The following MAGEE1 variants were observed in gnomAD, a reference collection of about 807,000 sequenced individuals.
MAGEE1 encodes the protein melanoma-associated antigen E1.
MAGEE1 carries 3 observed loss-of-function variants against 12.0 expected under a neutral mutation model. The observed-to-expected ratio is 0.25, with a 90% CI of 0.11 to 0.65. MAGEE1 has a LOEUF of 0.65. Ranked by LOEUF, MAGEE1 falls within the 30% of genes least tolerant of loss-of-function variation. MAGEE1 has a pLI of 0.84. For synonymous variants in MAGEE1, 414 were observed against 326.1 expected (o/e 1.27, Z -2.91); for missense variants, 729 against 772.2 (o/e 0.94, Z 0.66).
rs1049666703 is a variant in MAGEE1 at position 76,430,951 on chromosome X, G to T, written c.*147G>T. On this transcript the variant is annotated 3_prime_UTR_variant, in exon 1 of 1. Coordinates refer to ENST00000361470, the MANE Select transcript of MAGEE1 (RefSeq NM_020932.3). Reference sequence around the variant, plus strand: ...GTCTTTTCATATTTAGTTCTGGTGTGGTGTCTGGAAATGTTTCAACTGTTT... The same window carrying T: ...GTCTTTTCATATTTAGTTCTGGTGTTGTGTCTGGAAATGTTTCAACTGTTT... 3 of 452,654 alleles carry T rather than the reference G, an allele frequency of 6.6e-6. No homozygotes were observed. In the African/African-American group the frequency reaches 7.4e-5, roughly 11 times the overall value. 37.3% of individuals were successfully genotyped at this position (452,654 alleles called of 1,213,427 possible). A position where few individuals can be genotyped will look rare whatever the true frequency, so the allele number is the denominator to read the frequency against.
chrX:76,428,758 C>T lies in MAGEE1; in HGVS notation c.828C>T (p.Ala276=). The T allele has an allele frequency of 8.3e-7, 1 of 1,210,018 alleles. No individual in the cohort carries two copies. Among genetic ancestry groups the T allele is most frequent in the Non-Finnish European group, 1.1e-6 (1 of 895,081 alleles). The change falls in exon 1 of 1, where the codon GCC becomes GCT. Residue 276 remains alanine (A), a synonymous_variant. Coordinates refer to ENST00000361470, the MANE Select transcript of MAGEE1 (RefSeq NM_020932.3). The part of the protein sequence containing the change: ...EGPSTSVLPA[A]SDGQSISLVP... Reference sequence around the variant, plus strand: ...CGAGCACCTCCGTGCTGCCCGCCGCCTCTGACGGACAAAGCATCTCCTTGG... The same window carrying T: ...CGAGCACCTCCGTGCTGCCCGCCGCTTCTGACGGACAAAGCATCTCCTTGG...
At position 76,430,627 on chromosome X, in the gene MAGEE1, T is replaced by A. The variant is rs782048794; in HGVS notation, c.2697T>A (p.Phe899Leu). 8.3e-7 allele frequency: 1 copy of A among 1,211,346 alleles called. No homozygotes were observed. The change falls in exon 1 of 1, where the codon TTT becomes TTA. Residue 899 changes from phenylalanine to leucine, a missense_variant. By Grantham distance (22) the Phe-to-Leu change is conservative. Around this residue, in one of 4 missense-constraint regions of MAGEE1, gnomAD observed 101 missense variants for 161.3 expected, o/e 0.63. Coordinates refer to ENST00000361470, the MANE Select transcript of MAGEE1 (RefSeq NM_020932.3). Reference protein sequence around the residue: ...VPDSDPVQYEFVWGPRARLET... With the variant: ...VPDSDPVQYELVWGPRARLET... ...ACAGTGATCCAGTGCAATATGAGTTTGTATGGGGTCCTAGAGCCCGTTTGG... is the reference window on the plus strand; with the variant it reads ...ACAGTGATCCAGTGCAATATGAGTTAGTATGGGGTCCTAGAGCCCGTTTGG...
Position 76,428,845 on chromosome X carries a change from C to T in MAGEE1, c.915C>T (p.Ser305=), listed in dbSNP as rs200272695. 205 of 1,209,327 alleles carry T rather than the reference C, an allele frequency of 1.7e-4. 2 individuals are homozygous for T. The East Asian group carries it at 4.6e-3, about 27-fold the overall frequency. The part of the protein sequence containing the change: ...SVPPTATEGL[S]TSVQPTAGEG... ...CCCCCACCGCCACCGAGGGCCTGAG[C>T]ACCTCCGTGCAGCCCACTGCTGGTG... Residue 305 remains serine, a synonymous_variant, in exon 1 of 1, where the codon AGC becomes AGT. Transcript: ENST00000361470.
Position 76,427,805 on chromosome X carries a change from C to T in MAGEE1, c.-126C>T. On this transcript the variant is annotated 5_prime_UTR_variant, in exon 1 of 1. Transcript: ENST00000361470. ...TTGCTTGGAACTTTGGTTCTGGCAG[C>T]AGCAGCAACATCATTACCGCTAGCG... 1.3e-6 allele frequency: 1 copy of T among 787,279 alleles called. No individual in the cohort carries two copies. The highest frequency in any genetic ancestry group is 2.1e-5 in the African/African-American group (1 of 48,455). 64.9% of individuals were successfully genotyped at this position (787,279 alleles called of 1,213,427 possible).
chrX:76,427,863 C>A lies in MAGEE1; in HGVS notation c.-68C>A. The A allele has an allele frequency of 2.7e-6, 3 of 1,108,236 alleles. No individual in the cohort carries two copies. The East Asian group carries it at 9.0e-5, about 33-fold the overall frequency. The allele number at this position is 1,108,236 out of a possible 1,213,427, so 91.3% of individuals were successfully genotyped here. On this transcript the variant is annotated 5_prime_UTR_variant, in exon 1 of 1. Coordinates refer to ENST00000361470, the MANE Select transcript of MAGEE1 (RefSeq NM_020932.3). ...TGTGCCGAGGCACCTACACACCTCC[C>A]GTCCTCTCTGCCAGATCGCGGGCCT...
In MAGEE1 at chrX:76,430,367, A is replaced by T; in HGVS notation, c.2437A>T (p.Thr813Ser). 8.3e-7 allele frequency: 1 copy of T among 1,211,286 alleles called. No individual in the cohort carries two copies. The highest frequency in any genetic ancestry group is 1.1e-6 in the Non-Finnish European group (1 of 895,418). ...ACTTGATCCCAGGAATCACTCCTAT[A>T]CTCTGTACAACCGAAGGGAGATGGA... ...VVLDPRNHSY[T>S]LYNRREMEET... The change falls in exon 1 of 1, where the codon ACT becomes TCT. Residue 813 changes from threonine to serine, a missense_variant. Around this residue, in one of 4 missense-constraint regions of MAGEE1, gnomAD observed 101 missense variants for 161.3 expected, o/e 0.63. Transcript: ENST00000361470.
Position 76,429,642 on chromosome X carries a change from G to T in MAGEE1, c.1712G>T (p.Gly571Val). 8.3e-7 allele frequency: 1 copy of T among 1,210,287 alleles called. No homozygotes were observed. The highest frequency in any genetic ancestry group is 1.8e-5 in the South Asian group (1 of 56,655). Residue 571 changes from glycine to valine, a missense_variant, in exon 1 of 1, where the codon GGG becomes GTG. This residue lies in a region of MAGEE1 where 91 missense variants were observed against 133.8 expected (regional missense o/e 0.68). Transcript: ENST00000361470. ...AAACTGGGACCTGTGCCCTTTGAAG[G>T]GTTAGAAGAGAGCCCAAATGGGCCA... ...LNKLGPVPFE[G>V]LEESPNGPKM... is the part of the protein sequence containing the mutation.
chrX:76,428,683 C>A lies in MAGEE1; in HGVS notation c.753C>A (p.Thr251=). The A allele has an allele frequency of 7.5e-6, 9 of 1,206,618 alleles. No homozygotes were observed. The highest frequency in any genetic ancestry group is 1.0e-5 in the Non-Finnish European group (9 of 893,361). ...TEGLSTPVPP[T]RDEGPSTSVP... ...GCCTAAGCACCCCCGTGCCACCCAC[C>A]CGTGATGAGGGACCGAGCACCTCCG... The change falls in exon 1 of 1, where the codon ACC becomes ACA. Residue 251 remains threonine, a synonymous_variant. Transcript: ENST00000361470.
chrX:76,430,759 A>T lies in MAGEE1; in HGVS notation c.2829A>T (p.Arg943Ser), dbSNP rs1556839988. Reference protein sequence around the residue: ...YREAMEDEANRADVGHRQIFV... With the variant: ...YREAMEDEANSADVGHRQIFV... ...AGGCAATGGAAGATGAGGCCAATAG[A>T]GCTGATGTTGGGCACAGGCAAATCT... is the stretch of plus-strand genomic sequence containing the variant. Residue 943 changes from arginine to serine, a missense_variant, in exon 1 of 1, where the codon AGA becomes AGT. Coordinates refer to ENST00000361470, the MANE Select transcript of MAGEE1 (RefSeq NM_020932.3). 2.5e-6 allele frequency: 3 copies of T among 1,193,227 alleles called. No homozygotes were observed. The highest frequency in any genetic ancestry group is 2.3e-6 in the Non-Finnish European group (2 of 884,639).
In MAGEE1 at chrX:76,430,216, T is replaced by A; in HGVS notation, c.2286T>A (p.Thr762=). The change falls in exon 1 of 1, where the codon ACT becomes ACA. Residue 762 remains threonine (T), a synonymous_variant. Coordinates refer to ENST00000361470, the MANE Select transcript of MAGEE1 (RefSeq NM_020932.3). Reference sequence around the variant, plus strand: ...AGTTATTTCTGCTTATGGATTCAACTAAGCTGCCTATACCAAAGAAAGGAA... The same window carrying A: ...AGTTATTTCTGCTTATGGATTCAACAAAGCTGCCTATACCAAAGAAAGGAA... ...LVQLFLLMDS[T]KLPIPKKGIL... is the part of the protein sequence containing the mutation. The A allele has an allele frequency of 2.5e-6, 3 of 1,211,886 alleles. No individual in the cohort carries two copies. The highest frequency in any genetic ancestry group is 3.3e-6 in the Non-Finnish European group (3 of 895,557).
Position 76,428,628 on chromosome X carries a change from G to T in MAGEE1, c.698G>T (p.Ser233Ile), listed in dbSNP as rs1556839389. 1 of 1,208,973 alleles carries T rather than the reference G, an allele frequency of 8.3e-7. No homozygotes were observed. Among genetic ancestry groups the T allele is most frequent in the Admixed American group, 2.2e-5 (1 of 45,915 alleles). Residue 233 changes from serine (S) to isoleucine (I), a missense_variant, in exon 1 of 1, where the codon AGC becomes ATC. Around this residue, in one of 4 missense-constraint regions of MAGEE1, gnomAD observed 473 missense variants for 423.7 expected, o/e 1.12. Transcript: ENST00000361470. ...CAGGCCACTCCTGATGAGGGACCGA[G>T]CACCTCCGTGCCGCCCACCGCCACT... is the stretch of plus-strand genomic sequence containing the variant. ...SVQATPDEGP[S>I]TSVPPTATEG...
chrX:76,430,830 C>A lies in MAGEE1; in HGVS notation c.*26C>A, dbSNP rs782511635. 48 of 757,854 alleles carry A rather than the reference C, an allele frequency of 6.3e-5. No individual in the cohort carries two copies. In the South Asian group the frequency reaches 1.5e-3, roughly 23 times the overall value. 62.5% of individuals were successfully genotyped at this position (757,854 alleles called of 1,213,427 possible). ...AGGAATGCATGGCAGTCAGAGGGGC[C>A]TTGCAAGGAGGGGCCTTTGAGCCTC... On this transcript the variant is annotated 3_prime_UTR_variant, in exon 1 of 1. Transcript: ENST00000361470.
In MAGEE1 at chrX:76,429,398, C is replaced by G; in HGVS notation, c.1468C>G (p.Pro490Ala). The change falls in exon 1 of 1, where the codon CCT (proline) becomes GCT (alanine). Residue 490 changes from proline (P) to alanine (A), a missense_variant. This residue lies in a region of MAGEE1 where 473 missense variants were observed against 423.7 expected (regional missense o/e 1.12). Transcript: ENST00000361470. ...RVAITLKPQD[P>A]MEQNVAELLQ... ...TGCAATTACCCTGAAGCCCCAAGAC[C>G]CTATGGAACAGAACGTAGCTGAGCT... is the stretch of plus-strand genomic sequence containing the variant. 1 of 1,211,792 alleles carries G rather than the reference C, an allele frequency of 8.3e-7. No homozygotes were observed. Among genetic ancestry groups the G allele is most frequent in the East Asian group, 3.0e-5 (1 of 33,821 alleles).
Position 76,428,805 on chromosome X carries a change from C to T in MAGEE1, c.875C>T (p.Ser292Leu). ...TTGGTGCCCACCCGCGGTAAGGGAT[C>T]AAGCACCTCCGTGCCCCCCACCGCC... ...ISLVPTRGKG[S>L]STSVPPTATE... Residue 292 changes from serine to leucine, a missense_variant, in exon 1 of 1, where the codon TCA (serine) becomes TTA (leucine). Ser to Leu is a moderately radical substitution (Grantham distance 145). Coordinates refer to ENST00000361470, the MANE Select transcript of MAGEE1 (RefSeq NM_020932.3). 8.3e-7 allele frequency: 1 copy of T among 1,209,040 alleles called. No individual in the cohort carries two copies. Among genetic ancestry groups the T allele is most frequent in the Middle Eastern group, 2.3e-4 (1 of 4,345 alleles).
chrX:76,428,965 G>T lies in MAGEE1; in HGVS notation c.1035G>T (p.Pro345=), dbSNP rs782350808. The T allele has an allele frequency of 6.6e-6, 8 of 1,209,425 alleles. No homozygotes were observed. The Admixed American group carries it at 1.1e-4, about 16-fold the overall frequency. ...CTGAGGAGTTGAGCACCTCCGTGCC[G>T]CCCACTCCCGGTGAGGGACCAAGCA... ...TATEELSTSV[P]PTPGEGPSTS... The change falls in exon 1 of 1, where the codon CCG becomes CCT. Residue 345 remains proline, a synonymous_variant. Coordinates refer to ENST00000361470, the MANE Select transcript of MAGEE1 (RefSeq NM_020932.3).
rs1556839051 is a variant in MAGEE1, at chrX:76,427,898, T to G, written c.-33T>G. On this transcript the variant is annotated 5_prime_UTR_variant, in exon 1 of 1. Transcript: ENST00000361470. ...GCCAGATCGCGGGCCTGTCGGTGTC[T>G]GCTCCTACACGCCAACGCCGGTGGG... 3.4e-6 allele frequency: 4 copies of G among 1,165,566 alleles called. No homozygotes were observed. Among genetic ancestry groups the G allele is most frequent in the East Asian group, 6.0e-5 (2 of 33,483 alleles).
Position 76,427,886 on chromosome X carries a change from C to T in MAGEE1, c.-45C>T, listed in dbSNP as rs188782235. Reference sequence around the variant, plus strand: ...CCCGTCCTCTCTGCCAGATCGCGGGCCTGTCGGTGTCTGCTCCTACACGCC... The same window carrying T: ...CCCGTCCTCTCTGCCAGATCGCGGGTCTGTCGGTGTCTGCTCCTACACGCC... On this transcript the variant is annotated 5_prime_UTR_variant, in exon 1 of 1. Transcript: ENST00000361470. 8.5e-4 allele frequency: 971 copies of T among 1,148,137 alleles called. 1 individual carries two copies. Among genetic ancestry groups the T allele is most frequent in the Admixed American group, 1.2e-3 (47 of 38,222 alleles). The allele number at this position is 1,148,137 out of a possible 1,213,427, so 94.6% of individuals were successfully genotyped here. A position where few individuals can be genotyped will look rare whatever the true frequency, so the allele number is the denominator to read the frequency against.
Position 76,429,265 on chromosome X carries a change from A to C in MAGEE1, c.1335A>C (p.Ser445=), listed in dbSNP as rs1923321755. The part of the protein sequence containing the change: ...SPRVTKASVD[S]DSEGPKGAEG... ...GGGTAACCAAGGCCTCCGTGGACTC[A>C]GATTCTGAGGGTCCTAAGGGTGCAG... Residue 445 remains serine (S), a synonymous_variant, in exon 1 of 1, where the codon TCA becomes TCC. Transcript: ENST00000361470. The C allele has an allele frequency of 8.3e-7, 1 of 1,210,077 alleles. No homozygotes were observed. Among genetic ancestry groups the C allele is most frequent in the Admixed American group, 2.2e-5 (1 of 45,866 alleles).
Position 76,430,126 on chromosome X carries a change from C to T in MAGEE1, c.2196C>T (p.Ser732=). Residue 732 remains serine (S), a synonymous_variant, in exon 1 of 1, where the codon TCC becomes TCT. Transcript: ENST00000361470. ...CTGATTCAGAGGTTTCCAGCTATTCCTCAAAATATGCCCCACATTCATGGC... is the reference window on the plus strand; with the variant it reads ...CTGATTCAGAGGTTTCCAGCTATTCTTCAAAATATGCCCCACATTCATGGC... The part of the protein sequence containing the change: ...PSPDSEVSSY[S]SKYAPHSWPE... 1 of 1,211,520 alleles carries T rather than the reference C, an allele frequency of 8.3e-7. No individual in the cohort carries two copies. The highest frequency in any genetic ancestry group is 3.0e-5 in the East Asian group (1 of 33,816).
Sources: gnomAD v4.1 joint callset for allele counts on GRCh38, gnomAD v4.1.1 for gene constraint, gnomAD v4.1.1 regional missense constraint, MANE v1.5 for transcripts, NCBI Gene and HGNC (gene_info 2026-07-23, HGNC 2026-07-21) for gene names.